The following IPO11 variants were observed in gnomAD, a reference collection of about 807,000 sequenced individuals.
IPO11 encodes the protein importin-11.
Under a neutral mutation model 143.2 loss-of-function variants are expected in IPO11, and 66 were observed. The observed-to-expected ratio is 0.46, with a 90% CI of 0.38 to 0.57. IPO11 has a LOEUF of 0.57. Ranked by LOEUF, IPO11 falls within the 20% of genes least tolerant of loss-of-function variation. The pLI is 0.00. For synonymous variants in IPO11, 385 were observed against 377.8 expected (o/e 1.02, Z -0.22); for missense variants, 1,026 against 1,141.0 (o/e 0.90, Z 1.45).
chr5:62,575,641 A>G (rs1580341520), intron 27 of IPO11, among the ~76,000 whole-genome samples: 1 of 152,106 alleles, frequency 6.6e-6, no homozygotes, highest in Admixed American at 6.5e-5. Flanking sequence ...GGTTAGATTT[A>G]TGTATGCATC....
At chr5:62,625,536 G>C (rs1055641393) in intron 29 of IPO11, among the ~76,000 whole-genome samples, 2 of 152,146 alleles carry the variant, frequency 1.3e-5, no homozygotes, top group African/African-American at 4.8e-5. Context: ...AGCTTCTGAA[G>C]GTTCCTAATT....
At chr5:62,513,832 A>G (rs1457152746) in intron 19 of IPO11, among the ~76,000 whole-genome samples, 1 of 146,608 alleles carries the variant, frequency 6.8e-6, no homozygotes, top group African/African-American at 2.6e-5. Flanking sequence ...CTCACTTCTC[A>G]GACGGGGCGG....
chr5:62,626,897 T>C (rs569783028), intron 29 of IPO11, among the ~76,000 whole-genome samples: 25 of 152,304 alleles, frequency 1.6e-4, no homozygotes, highest in African/African-American at 4.3e-4. Flanking sequence ...TTTAAATGAA[T>C]GAGTCCCCCA....
intron 10 of IPO11, 39 bp downstream of exon 10, chr5:62,483,332 T>TCACA: frequency 8.1e-7 from 1 of 1,233,174 alleles, no homozygotes; most frequent in Non-Finnish European, 1.1e-6. Context: ...ATTATTTTAA[T>TCACA]CTTAAGTGTG....
chr5:62,474,402 ATAT>A lies in IPO11; in HGVS notation c.709-12_709-10del. 1 of 1,445,762 alleles carries A rather than the reference ATAT, an allele frequency of 6.9e-7. No individual in the cohort carries two copies. The highest frequency in any genetic ancestry group is 9.5e-7 in the Non-Finnish European group (1 of 1,055,440). 89.6% of individuals were successfully genotyped at this position (1,445,762 alleles called of 1,614,324 possible). On this transcript the variant is annotated splice_polypyrimidine_tract_variant and intron_variant, in intron 7 of 29. Transcript: ENST00000325324. Reference sequence around the variant, plus strand: ...ACAATAAATTGAGATATTTAAAATAATATTCTTTTCTAGGGTTTTTTACATGGA... The same window carrying A: ...ACAATAAATTGAGATATTTAAAATAATCTTTTCTAGGGTTTTTTACATGGA...
chr5:62,533,018 T>A (rs954040517), intron 22 of IPO11, among the ~76,000 whole-genome samples: 4 of 152,144 alleles, frequency 2.6e-5, no homozygotes, highest in Non-Finnish European at 4.4e-5. Context: ...TTTTCTACTT[T>A]TATTGTTCAA....
chr5:62,437,924 T>G (rs1428872704), intron 2 of IPO11, among the ~76,000 whole-genome samples: 1 of 152,268 alleles, frequency 6.6e-6, no homozygotes, highest in Non-Finnish European at 1.5e-5. Flanking sequence ...TGCTTTAAAT[T>G]AACCTTTATT....
At chr5:62,560,996 CCCAGTTCAGGTATT>C in intron 26 of IPO11, 126 bp from the exon 27 acceptor site, 1 of 655,870 alleles carries the variant, frequency 1.5e-6, no homozygotes, top group Middle Eastern at 3.0e-4. Context: ...ATGACTTAAC[CCCAGTTCAGGTATT>C]CCAGTTCTGT....
At chr5:62,607,165 T>A (rs1476130559) in intron 29 of IPO11, among the ~76,000 whole-genome samples, 1 of 152,194 alleles carries the variant, frequency 6.6e-6, no homozygotes, top group Non-Finnish European at 1.5e-5. Context: ...TGCTTTCCCC[T>A]CCTTTACTCA....
intron 28 of IPO11, among the ~76,000 whole-genome samples, chr5:62,598,435 TCTCTCTCTCTCTCTC>T: frequency 2.0e-3 from 6 of 3,038 alleles, no homozygotes; most frequent in African/African-American, 7.4e-3. Context: ...TTTCTTTCTC[TCTCTCTCTCTCTCTC>T]TCTCTCTCTC....
At chr5:62,433,043 G>A (rs572268493) in intron 1 of IPO11, among the ~76,000 whole-genome samples, 1 of 152,172 alleles carries the variant, frequency 6.6e-6, no homozygotes, top group Non-Finnish European at 1.5e-5. Flanking sequence ...AATGGTTTTA[G>A]CATGGGTTAT....
intron 1 of IPO11, among the ~76,000 whole-genome samples, chr5:62,425,520 G>A (rs1447428827): frequency 1.6e-4 from 24 of 152,082 alleles, no homozygotes; most frequent in African/African-American, 5.6e-4. Flanking sequence ...GTTTCACCAT[G>A]TTGTTCAGGC....
At chr5:62,418,187 G>A (rs1203702391) in intron 1 of IPO11, among the ~76,000 whole-genome samples, 1 of 150,062 alleles carries the variant, frequency 6.7e-6, no homozygotes. Context: ...TTCTTTGAGA[G>A]AGAGTTTCAC....
chr5:62,414,304 A>G (rs1743216753), intron 1 of IPO11, among the ~76,000 whole-genome samples: 1 of 152,188 alleles, frequency 6.6e-6, no homozygotes, highest in African/African-American at 2.4e-5. Flanking sequence ...TCCAGAAACA[A>G]AATTTTTTTT....
rs74532618 is a variant in IPO11 at position 62,572,424 on chromosome 5, T to C, written c.2582+11167T>C. ...GGAAGAGATGACATAGAAAATACATTGGAAGTATTATTTGGTGTTTACAAC... is the reference window on the plus strand; with the variant it reads ...GGAAGAGATGACATAGAAAATACATCGGAAGTATTATTTGGTGTTTACAAC... On this transcript the variant is annotated intron_variant, in intron 27 of 29. Transcript: ENST00000325324. Among the ~76,000 whole-genome samples, 1,193 of 152,268 alleles carry C rather than the reference T, an allele frequency of 7.8e-3. 20 individuals are homozygous for C. The highest frequency in any genetic ancestry group is 0.027 in the African/African-American group (1,131 of 41,558).
At chr5:62,435,136 G>GTATATATATGTA (rs200504250) in intron 1 of IPO11, among the ~76,000 whole-genome samples, 8 of 95,866 alleles carry the variant, frequency 8.3e-5, no homozygotes, top group East Asian at 2.9e-4. Context: ...GTATATATAT[G>GTATATATATGTA]TATATATGTA....
At chr5:62,570,786 A>G (rs1373490995) in intron 27 of IPO11, among the ~76,000 whole-genome samples, 1 of 152,252 alleles carries the variant, frequency 6.6e-6, no homozygotes, top group African/African-American at 2.4e-5. Context: ...GTCATATTAT[A>G]GACACTGAGT....
At chr5:62,568,398 A>G (rs915004184) in intron 27 of IPO11, among the ~76,000 whole-genome samples, 21 of 150,934 alleles carry the variant, frequency 1.4e-4, no homozygotes, top group South Asian at 6.3e-4. Context: ...TTTCCGTTTG[A>G]TTTTTTGAAA....
At chr5:62,621,081 T>C (rs1227185991) in intron 29 of IPO11, among the ~76,000 whole-genome samples, 2 of 152,198 alleles carry the variant, frequency 1.3e-5, no homozygotes, top group African/African-American at 4.8e-5. Context: ...GCTGGAAATG[T>C]GGTCTGTGTG....
Sources: gnomAD v4.1 joint callset for allele counts (sites outside exome capture counted in the v4.1 genomes callset) on GRCh38, gnomAD v4.1.1 for gene constraint, MANE v1.5 for transcripts, NCBI Gene and HGNC (gene_info 2026-07-23, HGNC 2026-07-21) for gene names.